The following ZNF708 variants were observed in gnomAD, a reference collection of about 807,000 sequenced individuals.
ZNF708 encodes ZNF15, ZNF15L1.
ZNF708 carries 44 observed loss-of-function variants against 47.0 expected under a neutral mutation model. The ratio of observed to expected loss-of-function variants is 0.94; its 90% CI spans 0.74 to 1.20. The LOEUF is 1.20. Among genes scored for constraint, ZNF708 ranks in the 50% most tolerant of loss-of-function variants. The probability of loss-of-function intolerance (pLI) is 0.00; values close to 1 mark genes in which losing one functional copy is unlikely to be tolerated. For synonymous variants in ZNF708, 184 were observed against 218.5 expected (o/e 0.84, Z 1.39); for missense variants, 557 against 656.0 (o/e 0.85, Z 1.65).
At chr19:21,297,258 ATATATATATATATTTTTTTTTTT>A (rs1467541437) in intron 3 of ZNF708, among the ~76,000 whole-genome samples, 2 of 14,722 alleles carry the variant, frequency 1.4e-4, no homozygotes, top group South Asian at 3.0e-3. Flanking sequence ...ATATATATAT[ATATATATATATATTTTTTTTTTT>A]TTTTTTTTTT....
In ZNF708 at chr19:21,292,585, A is replaced by C. The variant is rs553475653; in HGVS notation, c.*689T>G. On this transcript the variant is annotated 3_prime_UTR_variant, in exon 4 of 4. Transcript: ENST00000356929. The stretch of plus-strand genomic sequence containing the variant: ...TTTTCTCTAGTACAAAATGTGTACA[A>C]TAAGATCTGTGATACAAATAAAGGT... 6.6e-6 allele frequency: 1 copy of C among 152,422 alleles called. No individual in the cohort carries two copies. The highest frequency in any genetic ancestry group is 1.9e-4 in the East Asian group (1 of 5,188). The allele number at this position is 152,422 out of a possible 1,614,324, so 9.4% of individuals were successfully genotyped here.
At chr19:21,296,057 C>T (rs1972520974) in intron 3 of ZNF708, among the ~76,000 whole-genome samples, 1 of 151,636 alleles carries the variant, frequency 6.6e-6, no homozygotes, top group African/African-American at 2.4e-5. Context: ...ATCTTGGGAG[C>T]TGCAAGATAA....
intron 3 of ZNF708, among the ~76,000 whole-genome samples, chr19:21,295,955 A>G (rs1274416767): frequency 6.6e-6 from 1 of 152,176 alleles, no homozygotes; most frequent in Non-Finnish European, 1.5e-5. Flanking sequence ...ACAGACAACT[A>G]CTGAAGTTCA....
At chr19:21,302,378 G>A (rs941225612) in intron 3 of ZNF708, among the ~76,000 whole-genome samples, 1 of 152,048 alleles carries the variant, frequency 6.6e-6, no homozygotes, top group Non-Finnish European at 1.5e-5. Flanking sequence ...GTATTAAATT[G>A]AAGTTGTTAC....
At position 21,329,269 on chromosome 19, in the gene ZNF708, G is replaced by T; in HGVS notation, c.-57C>A. On this transcript the variant is annotated 5_prime_UTR_variant, in exon 1 of 4. Transcript: ENST00000356929. ...GCTGTGGATCTCCCAATACCTGCAGGTCACAGAGCCACAGAGTCTGGGCCT... is the reference window on the plus strand; with the variant it reads ...GCTGTGGATCTCCCAATACCTGCAGTTCACAGAGCCACAGAGTCTGGGCCT... 5.0e-6 allele frequency: 8 copies of T among 1,606,414 alleles called. No homozygotes were observed. The highest frequency in any genetic ancestry group is 6.8e-6 in the Non-Finnish European group (8 of 1,174,674).
chr19:21,299,435 A>G (rs1040317267), intron 3 of ZNF708, among the ~76,000 whole-genome samples: 1 of 152,184 alleles, frequency 6.6e-6, no homozygotes, highest in Non-Finnish European at 1.5e-5. Flanking sequence ...AAATATAATT[A>G]ATATGAATAA....
intron 3 of ZNF708, among the ~76,000 whole-genome samples, chr19:21,297,259 TATATATATATA>T (rs1425409770): frequency 4.4e-4 from 6 of 13,708 alleles, no homozygotes; most frequent in African/African-American, 1.6e-3. Flanking sequence ...TATATATATA[TATATATATATA>T]TTTTTTTTTT....
chr19:21,322,392 C>T (rs918311622), intron 1 of ZNF708, among the ~76,000 whole-genome samples: 2 of 151,822 alleles, frequency 1.3e-5, no homozygotes, highest in Admixed American at 1.3e-4. Flanking sequence ...ACCTCTGCCT[C>T]CCGGGTTCAA....
intron 3 of ZNF708, among the ~76,000 whole-genome samples, chr19:21,299,491 C>T (rs1442649452): frequency 2.0e-5 from 3 of 151,900 alleles, no homozygotes; most frequent in African/African-American, 7.3e-5. Context: ...TGGCTCATGC[C>T]TGTAATCCCA....
Position 21,305,454 on chromosome 19 carries a change from T to A in ZNF708, c.226+3792A>T, listed in dbSNP as rs541759950. 8.4e-4 allele frequency among the ~76,000 whole-genome samples: 126 copies of A among 150,614 alleles called. 1 individual carries two copies. Among genetic ancestry groups the A allele is most frequent in the Middle Eastern group, 3.4e-3 (1 of 294 alleles). On this transcript the variant is annotated intron_variant, in intron 3 of 3. Transcript: ENST00000356929. Reference sequence around the variant, plus strand: ...TTTACAGAAATATAGTTTATTTTTTTATTTTTATTTTTTTTAGATGGAGTC... The same window carrying A: ...TTTACAGAAATATAGTTTATTTTTTAATTTTTATTTTTTTTAGATGGAGTC...
At chr19:21,314,404 G>A (rs1023214676) in intron 1 of ZNF708, among the ~76,000 whole-genome samples, 2 of 151,030 alleles carry the variant, frequency 1.3e-5, no homozygotes, top group Non-Finnish European at 3.0e-5. Context: ...TTATTAGCAA[G>A]ATAAAAGAAA....
chr19:21,312,500 A>G (rs1972919220), intron 1 of ZNF708, among the ~76,000 whole-genome samples: 2 of 152,074 alleles, frequency 1.3e-5, no homozygotes, highest in Admixed American at 6.6e-5. Context: ...GTCCACCTGG[A>G]GCAATAAACA....
intron 1 of ZNF708, among the ~76,000 whole-genome samples, chr19:21,310,918 T>C (rs746332599): frequency 1.1e-4 from 17 of 152,186 alleles, no homozygotes; most frequent in Non-Finnish European, 2.1e-4. Context: ...TTTATTGCTA[T>C]ATATACATCA....
At chr19:21,317,748 T>C (rs559545417) in intron 1 of ZNF708, among the ~76,000 whole-genome samples, 1 of 152,234 alleles carries the variant, frequency 6.6e-6, no homozygotes, top group Non-Finnish European at 1.5e-5. Flanking sequence ...CAGCACCATG[T>C]CATACAGAGC....
At chr19:21,310,899 TG>T (rs1972885718) in intron 1 of ZNF708, among the ~76,000 whole-genome samples, 1 of 152,196 alleles carries the variant, frequency 6.6e-6, no homozygotes, top group South Asian at 2.1e-4. Context: ...AACAGAAACA[TG>T]TACATTTTTT....
At chr19:21,319,299 A>C (rs1973078024) in intron 1 of ZNF708, among the ~76,000 whole-genome samples, 1 of 152,190 alleles carries the variant, frequency 6.6e-6, no homozygotes, top group South Asian at 2.1e-4. Flanking sequence ...TTGTTTTTGC[A>C]GTGTAAGTAC....
intron 3 of ZNF708, among the ~76,000 whole-genome samples, chr19:21,302,745 G>A (rs1179406523): frequency 1.3e-5 from 2 of 151,812 alleles, no homozygotes; most frequent in Non-Finnish European, 2.9e-5. Flanking sequence ...AATGTTTTAT[G>A]TAATCTCCAT....
chr19:21,329,410 T>C lies in ZNF708; in HGVS notation c.-198A>G. On this transcript the variant is annotated 5_prime_UTR_variant, in exon 1 of 4. Coordinates refer to ENST00000356929, the MANE Select transcript of ZNF708 (RefSeq NM_021269.3). ...TGTCCGGTCCAGCTGCGTGTCTGAGTGAACTGTCCCCAGCTCAGAGTCCCT... is the reference window on the plus strand; with the variant it reads ...TGTCCGGTCCAGCTGCGTGTCTGAGCGAACTGTCCCCAGCTCAGAGTCCCT... 1 of 721,406 alleles carries C rather than the reference T, an allele frequency of 1.4e-6. No homozygotes were observed. Among genetic ancestry groups the C allele is most frequent in the Non-Finnish European group, 2.3e-6 (1 of 440,492 alleles). The allele number at this position is 721,406 out of a possible 1,614,324, so 44.7% of individuals were successfully genotyped here. A position where few individuals can be genotyped will look rare whatever the true frequency, so the allele number is the denominator to read the frequency against.
chr19:21,300,494 G>A (rs1167744902), intron 3 of ZNF708, among the ~76,000 whole-genome samples: 6 of 140,070 alleles, frequency 4.3e-5, no homozygotes, highest in African/African-American at 1.3e-4. Flanking sequence ...CAACAAGAAC[G>A]AAACTCTGTC....
Sources: allele counts gnomAD v4.1 joint callset (sites outside exome capture counted in the v4.1 genomes callset), GRCh38; gene constraint gnomAD v4.1.1; transcripts MANE v1.5; gene names NCBI Gene and HGNC (gene_info 2026-07-23, HGNC 2026-07-21).